Variants in MTMR3 observed in about 807,000 individuals in gnomAD.
MTMR3 encodes myotubularin related protein 3.
A neutral mutation model predicts 132.4 loss-of-function variants in MTMR3; 32 were observed. The ratio of observed to expected loss-of-function variants is 0.24; its 90% CI spans 0.18 to 0.32. The LOEUF (loss-of-function observed/expected upper bound fraction) is 0.32, where lower values mean the gene tolerates loss of function less well. Among genes scored for constraint, MTMR3 ranks in the 10% least tolerant of loss-of-function variants. The pLI is 1.00. For missense variants in MTMR3, 1,216 were observed against 1,489.6 expected (o/e 0.82, Z 3.02); for synonymous variants, 556 against 550.3 (o/e 1.01, Z -0.14).
intron 1 of MTMR3, among the ~76,000 whole-genome samples, chr22:29,911,594 T>TC (rs1050376648): frequency 2.0e-5 from 3 of 151,746 alleles, no homozygotes; most frequent in African/African-American, 7.3e-5. Flanking sequence ...GGTTTTTTTT[T>TC]TTTTACTTAC....
At chr22:29,947,322 AATT>A (rs1369253269) in intron 1 of MTMR3, among the ~76,000 whole-genome samples, 1 of 152,098 alleles carries the variant, frequency 6.6e-6, no homozygotes, top group African/African-American at 2.4e-5. Context: ...TGAGAATTCC[AATT>A]ATTTGTCTGT....
chr22:29,919,206 C>G (rs1040416107), intron 1 of MTMR3, among the ~76,000 whole-genome samples: 10 of 152,134 alleles, frequency 6.6e-5, no homozygotes, highest in Admixed American at 6.5e-4. Context: ...CTTGTTCTTC[C>G]TTTTTTCTGG....
At chr22:29,910,603 T>C (rs552633499) in intron 1 of MTMR3, among the ~76,000 whole-genome samples, 3 of 152,326 alleles carry the variant, frequency 2.0e-5, no homozygotes, top group East Asian at 1.9e-4. Flanking sequence ...TCTCACACTT[T>C]AGTTTCAAAT....
At chr22:30,022,342 C>T in intron 18 of MTMR3, 1 of 609,336 alleles carries the variant, frequency 1.6e-6, no homozygotes, top group Non-Finnish European at 2.9e-6. Context: ...GGCCCTCCCT[C>T]TTCATTGCCT....
At chr22:29,922,647 C>T (rs1301610877) in intron 1 of MTMR3, among the ~76,000 whole-genome samples, 1 of 152,132 alleles carries the variant, frequency 6.6e-6, no homozygotes, top group African/African-American at 2.4e-5. Context: ...CAAGTCTCTG[C>T]TTTTACTCCT....
At chr22:29,884,110 G>A (rs1272780669) in intron 1 of MTMR3, among the ~76,000 whole-genome samples, 2 of 152,164 alleles carry the variant, frequency 1.3e-5, no homozygotes, top group Admixed American at 6.5e-5. Context: ...CACATTAATA[G>A]ACTCCCCTGG....
chr22:30,006,373 T>G (rs2145934198), intron 9 of MTMR3: 2 of 152,320 alleles, frequency 1.3e-5, no homozygotes, highest in East Asian at 3.9e-4. Flanking sequence ...TCATGAAATC[T>G]CAGGAGATTT....
At chr22:29,980,713 G>A (rs2066724303) in intron 5 of MTMR3, 1 of 152,160 alleles carries the variant, frequency 6.6e-6, no homozygotes, top group Admixed American at 6.5e-5. Context: ...ATGGCCAAGT[G>A]TTTCAGAGAC....
intron 4 of MTMR3, 105 bp downstream of exon 4, chr22:29,978,636 A>T: frequency 1.3e-6 from 1 of 793,914 alleles, no homozygotes. Context: ...TATATATAAC[A>T]TACATGTAGT....
chr22:29,913,526 T>G (rs1449533828), intron 1 of MTMR3, among the ~76,000 whole-genome samples: 1 of 152,102 alleles, frequency 6.6e-6, no homozygotes, highest in Non-Finnish European at 1.5e-5. Context: ...TTGCACAAAT[T>G]TTGCCTTTTT....
At chr22:30,009,445 G>A (rs369802670) in intron 12 of MTMR3, 1 of 240,858 alleles carries the variant, frequency 4.2e-6, no homozygotes, top group Non-Finnish European at 8.1e-6. Context: ...TCCCTTCCAC[G>A]TCATTTTTAG....
At chr22:29,897,201 C>T (rs1031553392) in intron 1 of MTMR3, among the ~76,000 whole-genome samples, 2 of 151,774 alleles carry the variant, frequency 1.3e-5, no homozygotes, top group African/African-American at 4.8e-5. Flanking sequence ...CTCAGCTTCC[C>T]GAGTAGCTGG....
chr22:29,957,444 T>G (rs1354780877), intron 2 of MTMR3, among the ~76,000 whole-genome samples: 15 of 148,354 alleles, frequency 1.0e-4, no homozygotes, highest in African/African-American at 3.8e-4. Context: ...TTTATTTATT[T>G]ATTTATTTAT....
Position 30,021,968 on chromosome 22 carries a change from C to T in MTMR3, c.3226-61C>T, listed in dbSNP as rs1004509750. The T allele has an allele frequency of 5.1e-6, 7 of 1,386,024 alleles. No homozygotes were observed. The African/African-American group carries it at 7.1e-5, about 14-fold the overall frequency. 85.9% of individuals were successfully genotyped at this position (1,386,024 alleles called of 1,614,324 possible). A position where few individuals can be genotyped will look rare whatever the true frequency, so the allele number is the denominator to read the frequency against. ...CTCAGTTCTCCCTTCTTCACCAGGC[C>T]TTTTCTTCTTTTGGGAGGAGACCAG... On this transcript the variant is annotated intron_variant, in intron 17 of 19. Coordinates refer to ENST00000401950, the MANE Select transcript of MTMR3 (RefSeq NM_021090.4).
At chr22:29,983,813 T>A (rs1008643411) in intron 5 of MTMR3, 7 of 152,092 alleles carry the variant, frequency 4.6e-5, no homozygotes, top group Admixed American at 3.9e-4. Context: ...AATTTAATTT[T>A]ATTTTTTGTA....
rs1467406654 is a variant in MTMR3, at chr22:30,029,140, G to A, written c.*3339G>A. ...AGGGAGGTGGCTGCATATGGAGAAA[G>A]GCAGTTCTCTGTGGGCAAGGCCAGC... On this transcript the variant is annotated 3_prime_UTR_variant, in exon 20 of 20. Transcript: ENST00000401950. The A allele has an allele frequency of 6.6e-6, 1 of 152,360 alleles. No individual in the cohort carries two copies. Among genetic ancestry groups the A allele is most frequent in the Non-Finnish European group, 1.5e-5 (1 of 68,042 alleles). 9.4% of individuals were successfully genotyped at this position (152,360 alleles called of 1,614,324 possible).
intron 1 of MTMR3, among the ~76,000 whole-genome samples, chr22:29,901,921 A>G (rs1047715405): frequency 8.5e-5 from 13 of 152,176 alleles, no homozygotes; most frequent in African/African-American, 3.1e-4. Context: ...ATTCCATTGT[A>G]TGGATGTACA....
intron 1 of MTMR3, among the ~76,000 whole-genome samples, chr22:29,921,954 A>AT (rs2065424411): frequency 6.6e-6 from 1 of 151,248 alleles, no homozygotes; most frequent in Admixed American, 6.6e-5. Context: ...GTTGAAGCAA[A>AT]TTCTTGTGCC....
At chr22:30,019,232 G>T in intron 16 of MTMR3, 1 of 406,536 alleles carries the variant, frequency 2.5e-6, no homozygotes, top group Non-Finnish European at 4.4e-6. Context: ...AATAGCACTT[G>T]CTGTTAGCTC....
Sources: allele counts gnomAD v4.1 joint callset (sites outside exome capture counted in the v4.1 genomes callset), GRCh38; gene constraint gnomAD v4.1.1; transcripts MANE v1.5; gene names NCBI Gene and HGNC (gene_info 2026-07-23, HGNC 2026-07-21).